The following FAAH2 variants were observed in gnomAD, a reference collection of about 807,000 sequenced individuals.
FAAH2 encodes fatty-acid amide hydrolase 2.
In FAAH2, 60 loss-of-function variants were observed where a neutral mutation model predicts 36.9. That is an observed-to-expected ratio of 1.63 (90% CI 1.32 to 2.02). The LOEUF (loss-of-function observed/expected upper bound fraction) is 2.02. Ranked by LOEUF, FAAH2 falls within the 30% of genes most tolerant of loss-of-function variation. FAAH2 has a pLI of 0.00. For missense variants in FAAH2, 689 were observed against 397.5 expected, an observed-to-expected ratio of 1.73 and a Z score of -6.23; for synonymous variants, 214 against 143.8, an observed-to-expected ratio of 1.49 and a Z score of -3.49.
chrX:57,158,637 A>T, the FAAH2 span, among the ~76,000 whole-genome samples: 2 of 112,264 alleles, frequency 1.8e-5, no homozygotes, highest in Admixed American at 1.9e-4. Context: ...TTGGCTGCAT[A>T]AATGTCTTCT....
the FAAH2 span, among the ~76,000 whole-genome samples, chrX:57,204,671 C>A: frequency 8.9e-6 from 1 of 112,443 alleles, no homozygotes; most frequent in African/African-American, 3.2e-5. Flanking sequence ...AGTTCTGCTT[C>A]TTTCTTTGCA....
the FAAH2 span, among the ~76,000 whole-genome samples, chrX:57,194,638 A>G: frequency 4.5e-5 from 5 of 110,563 alleles, no homozygotes; most frequent in South Asian, 1.1e-3. Flanking sequence ...GTTTGATTAC[A>G]TGGAAAAGTT....
the FAAH2 span, among the ~76,000 whole-genome samples, chrX:57,278,012 A>G: frequency 1.2e-4 from 13 of 111,885 alleles, no homozygotes; most frequent in East Asian, 3.7e-3. Context: ...GATGATTTAT[A>G]GATTTAATGC....
chrX:57,419,341 A>G (rs1452444522), intron 7 of FAAH2, among the ~76,000 whole-genome samples: 1 of 110,844 alleles, frequency 9.0e-6, no homozygotes, highest in African/African-American at 3.3e-5. Context: ...CCAACAGTGT[A>G]AAAGTGTTCC....
At chrX:57,231,525 T>G in the FAAH2 span, among the ~76,000 whole-genome samples, 2 of 111,834 alleles carry the variant, frequency 1.8e-5, no homozygotes, top group African/African-American at 6.5e-5. Context: ...GCCTTTTGAT[T>G]TGTTTTCCAG....
At chrX:57,157,850 T>C in the FAAH2 span, among the ~76,000 whole-genome samples, 1 of 111,358 alleles carries the variant, frequency 9.0e-6, no homozygotes, top group African/African-American at 3.3e-5. Context: ...AACTTCTTTC[T>C]TTCTTTTTTA....
chrX:57,295,811 C>T (rs1232170339), intron 2 of FAAH2, among the ~76,000 whole-genome samples: 1 of 112,632 alleles, frequency 8.9e-6, no homozygotes, highest in Non-Finnish European at 1.9e-5. Flanking sequence ...GAGATTATAT[C>T]CCGCACTTGG....
chrX:57,475,586 G>A (rs1393191605), intron 10 of FAAH2, among the ~76,000 whole-genome samples: 1 of 111,509 alleles, frequency 9.0e-6, no homozygotes, highest in African/African-American at 3.3e-5. Context: ...TGCTGTTTTG[G>A]TTACTGTACC....
At chrX:57,336,252 C>A (rs1162109583) in intron 4 of FAAH2, among the ~76,000 whole-genome samples, 1 of 110,648 alleles carries the variant, frequency 9.0e-6, no homozygotes, top group East Asian at 2.8e-4. Flanking sequence ...ACCTTGAGAC[C>A]CCCATTCTGC....
At chrX:57,172,558 G>T in the FAAH2 span, among the ~76,000 whole-genome samples, 5 of 112,400 alleles carry the variant, frequency 4.4e-5, no homozygotes, top group Non-Finnish European at 9.4e-5. Context: ...TATCACAAGG[G>T]CAAAGGACTT....
At chrX:57,185,493 T>TGC in the FAAH2 span, among the ~76,000 whole-genome samples, 1 of 92,220 alleles carries the variant, frequency 1.1e-5, no homozygotes, top group African/African-American at 5.2e-5. Flanking sequence ...TGTCTCTGTG[T>TGC]GTGTGTGTGT....
At chrX:57,282,345 T>G (rs1788836056), upstream of FAAH2, among the ~76,000 whole-genome samples, 1 of 112,214 alleles carries the variant, frequency 8.9e-6, no homozygotes, top group South Asian at 3.7e-4. Context: ...TTTTTAATGT[T>G]TTTTGGCCAC....
At chrX:57,260,540 AC>A in the FAAH2 span, among the ~76,000 whole-genome samples, 2 of 111,995 alleles carry the variant, frequency 1.8e-5, no homozygotes, top group African/African-American at 6.5e-5. Context: ...AAATTATAAA[AC>A]AAAAGATCAA....
the FAAH2 span, among the ~76,000 whole-genome samples, chrX:57,200,321 G>A: frequency 2.8e-5 from 3 of 107,179 alleles, no homozygotes; most frequent in African/African-American, 1.0e-4. Context: ...AACACTGTTT[G>A]CATCAATAAG....
intron 7 of FAAH2, chrX:57,393,817 C>T: frequency 1.1e-6 from 1 of 872,782 alleles, no homozygotes; most frequent in Non-Finnish European, 1.7e-6. Context: ...CAATCGTGAT[C>T]TTCCTCAGGA....
chrX:57,233,043 G>C, the FAAH2 span, among the ~76,000 whole-genome samples: 1 of 112,383 alleles, frequency 8.9e-6, no homozygotes, highest in Non-Finnish European at 1.9e-5. Flanking sequence ...TGGCAGATTT[G>C]TAAAGAGATT....
the FAAH2 span, among the ~76,000 whole-genome samples, chrX:57,145,480 G>A: frequency 8.9e-6 from 1 of 111,894 alleles, no homozygotes; most frequent in African/African-American, 3.2e-5. Context: ...TGGATAGATT[G>A]TAAAGATTTT....
chrX:57,363,232 A>G (rs923566555), intron 5 of FAAH2, among the ~76,000 whole-genome samples: 1 of 111,708 alleles, frequency 9.0e-6, no homozygotes, highest in Non-Finnish European at 1.9e-5. Context: ...TTTTTTTGTC[A>G]TCTCTGATTT....
At chrX:57,242,856 A>C in the FAAH2 span, among the ~76,000 whole-genome samples, 1 of 112,245 alleles carries the variant, frequency 8.9e-6, no homozygotes, top group African/African-American at 3.2e-5. Flanking sequence ...CTGATCTAGC[A>C]GCAGGAGTTT....
Sources: allele counts gnomAD v4.1 joint callset (sites outside exome capture counted in the v4.1 genomes callset), GRCh38; gene constraint gnomAD v4.1.1; transcripts MANE v1.5; gene names NCBI Gene and HGNC (gene_info 2026-07-23, HGNC 2026-07-21).